Variants in CACNA1E observed in about 807,000 individuals in gnomAD.
CACNA1E encodes voltage-dependent R-type calcium channel subunit alpha-1E.
CACNA1E carries 40 observed loss-of-function variants against 259.2 expected under a neutral mutation model. That is an observed-to-expected ratio of 0.15 (90% CI 0.12 to 0.20). CACNA1E has a LOEUF of 0.20. Ranked by LOEUF, CACNA1E falls within the 10% of genes least tolerant of loss-of-function variation. The pLI is 1.00. For missense variants in CACNA1E, 1,874 were observed against 3,040.1 expected (o/e 0.62, Z 9.02); for synonymous variants, 1,104 against 1,138.5 (o/e 0.97, Z 0.61).
At chr1:181,537,095 CTTTTTTTT>C (rs201514362) in intron 3 of CACNA1E, among the ~76,000 whole-genome samples, 1 of 112,632 alleles carries the variant, frequency 8.9e-6, no homozygotes, top group Non-Finnish European at 1.7e-5. Flanking sequence ...TTTTTCTTTT[CTTTTTTTT>C]TTTTTTTTTT....
intron 2 of CACNA1E, among the ~76,000 whole-genome samples, chr1:181,433,294 C>G (rs902086188): frequency 6.6e-6 from 1 of 152,200 alleles, no homozygotes; most frequent in South Asian, 2.1e-4. Flanking sequence ...ACTGTCTGCT[C>G]TCTGTCCTGT....
intron 6 of CACNA1E, among the ~76,000 whole-genome samples, chr1:181,588,943 A>G (rs1189063093): frequency 1.3e-5 from 2 of 152,226 alleles, no homozygotes; most frequent in African/African-American, 2.4e-5. Flanking sequence ...GGGATGGCAC[A>G]GTGCCAGTAT....
At chr1:181,684,646 T>C (rs1212651788) in intron 7 of CACNA1E, among the ~76,000 whole-genome samples, 2 of 152,066 alleles carry the variant, frequency 1.3e-5, no homozygotes, top group African/African-American at 4.8e-5. Flanking sequence ...TTTTGAGTTG[T>C]TTTTTGTGTA....
chr1:181,614,697 A>G (rs1655053018), intron 6 of CACNA1E, among the ~76,000 whole-genome samples: 1 of 152,232 alleles, frequency 6.6e-6, no homozygotes, highest in Non-Finnish European at 1.5e-5. Context: ...ACTAAATGGT[A>G]TCATGTACAG....
chr1:181,782,123 G>A (rs1203961626), intron 39 of CACNA1E, among the ~76,000 whole-genome samples: 1 of 152,246 alleles, frequency 6.6e-6, no homozygotes, highest in African/African-American at 2.4e-5. Context: ...TCCTGTGATA[G>A]ACTGAGGAAT....
intron 7 of CACNA1E, among the ~76,000 whole-genome samples, chr1:181,684,428 G>A (rs560886643): frequency 2.0e-5 from 3 of 152,156 alleles, no homozygotes; most frequent in Non-Finnish European, 4.4e-5. Flanking sequence ...TCTGTAGGTT[G>A]TCTGTTTATT....
At position 181,799,071 on chromosome 1, in the gene CACNA1E, GA is replaced by G; in HGVS notation, c.*240del. 2.4e-6 allele frequency: 1 copy of G among 413,822 alleles called. No individual in the cohort carries two copies. The highest frequency in any genetic ancestry group is 7.5e-5 in the South Asian group (1 of 13,296). The allele number at this position is 413,822 out of a possible 1,614,324, so 25.6% of individuals were successfully genotyped here. ...TAGTTCTGCCTCTTTGCTGGGGAAA[GA>G]AACCAGGAACGTGGAGGGTTATTAC... On this transcript the variant is annotated 3_prime_UTR_variant, in exon 48 of 48. Coordinates refer to ENST00000367573, the MANE Select transcript of CACNA1E (RefSeq NM_001205293.3).
intron 3 of CACNA1E, among the ~76,000 whole-genome samples, chr1:181,524,365 A>G (rs34894226): frequency 6.6e-6 from 1 of 152,260 alleles, no homozygotes; most frequent in Admixed American, 6.5e-5. Context: ...GCAGCTGGGA[A>G]CAATGTGACC....
intron 3 of CACNA1E, among the ~76,000 whole-genome samples, chr1:181,527,455 GT>G (rs1667446412): frequency 6.6e-6 from 1 of 152,248 alleles, no homozygotes; most frequent in Non-Finnish European, 1.5e-5. Context: ...GGGCTTTAGA[GT>G]CCTGGAATCA....
chr1:181,677,864 T>G (rs1426785188), intron 7 of CACNA1E, among the ~76,000 whole-genome samples: 1 of 152,166 alleles, frequency 6.6e-6, no homozygotes, highest in Non-Finnish European at 1.5e-5. Context: ...TCCCCAACTT[T>G]GAGGCAGGCC....
At chr1:181,626,105 A>G (rs1271212791) in intron 6 of CACNA1E, among the ~76,000 whole-genome samples, 1 of 152,218 alleles carries the variant, frequency 6.6e-6, no homozygotes, top group Non-Finnish European at 1.5e-5. Context: ...ATGGTACCCC[A>G]CAACAATTAT....
In CACNA1E at chr1:181,373,641, C is replaced by T. The variant is rs375374717; in HGVS notation, c.-14-39492C>T. 1.2e-4 allele frequency among the ~76,000 whole-genome samples: 18 copies of T among 151,554 alleles called. No individual in the cohort carries two copies. In the East Asian group the frequency reaches 2.5e-3, roughly 21 times the overall value. On this transcript the variant is annotated intron_variant, in intron 1 of 11. Coordinates refer to the CACNA1E transcript ENST00000524607. ...CAAGCTCCGCCTCCCGGGTTCACGC[C>T]ATTCTCCTGCCTCAGCCTCCCAAGT... is the stretch of plus-strand genomic sequence containing the variant.
intron 8 of CACNA1E, among the ~76,000 whole-genome samples, chr1:181,712,843 G>A (rs1279896079): frequency 6.6e-6 from 1 of 152,088 alleles, no homozygotes; most frequent in Admixed American, 6.5e-5. Flanking sequence ...ACCCAGGAAG[G>A]AGCCCGCCCA....
chr1:181,334,331 T>TC (rs1289621383), intron 1 of CACNA1E, among the ~76,000 whole-genome samples: 1 of 152,234 alleles, frequency 6.6e-6, no homozygotes, highest in African/African-American at 2.4e-5. Flanking sequence ...TCTTTATCTA[T>TC]AATCACTTAT....
intron 3 of CACNA1E, among the ~76,000 whole-genome samples, chr1:181,533,237 T>C (rs765843019): frequency 4.6e-5 from 7 of 150,982 alleles, no homozygotes; most frequent in Non-Finnish European, 8.8e-5. Flanking sequence ...ATCATAAAAA[T>C]ATTGCATAAA....
At chr1:181,423,576 G>T (rs143763754) in intron 2 of CACNA1E, among the ~76,000 whole-genome samples, 2 of 151,898 alleles carry the variant, frequency 1.3e-5, no homozygotes, top group Non-Finnish European at 2.9e-5. Flanking sequence ...CATTCACACC[G>T]CATTCAGCAT....
At chr1:181,670,052 AAT>A (rs1648636194) in intron 7 of CACNA1E, among the ~76,000 whole-genome samples, 1 of 152,206 alleles carries the variant, frequency 6.6e-6, no homozygotes, top group Non-Finnish European at 1.5e-5. Flanking sequence ...ATTAGAAAAA[AAT>A]ATGTTTTTGT....
intron 21 of CACNA1E, among the ~76,000 whole-genome samples, chr1:181,735,693 C>A (rs1353488723): frequency 6.6e-6 from 1 of 152,180 alleles, no homozygotes; most frequent in Non-Finnish European, 1.5e-5. Context: ...AAAAGCACAG[C>A]CAGAAAGCCT....
chr1:181,633,360 T>TGCCATA (rs1656921429), intron 6 of CACNA1E, among the ~76,000 whole-genome samples: 1 of 151,972 alleles, frequency 6.6e-6, no homozygotes, highest in Non-Finnish European at 1.5e-5. Flanking sequence ...CTTGAGCGAG[T>TGCCATA]GTTTTAGCTG....
Sources: gnomAD v4.1 joint callset for allele counts (sites outside exome capture counted in the v4.1 genomes callset) on GRCh38, gnomAD v4.1.1 for gene constraint, MANE v1.5 for transcripts, NCBI Gene and HGNC (gene_info 2026-07-23, HGNC 2026-07-21) for gene names.